FGF14: variants seen among roughly 807,000 people sequenced by gnomAD.
FGF14 encodes fibroblast growth factor homologous factor 4.
FGF14 carries 5 observed loss-of-function variants against 25.5 expected under a neutral mutation model. That is an observed-to-expected ratio of 0.20 (90% CI 0.10 to 0.41). The LOEUF (loss-of-function observed/expected upper bound fraction) is 0.41, where lower values mean the gene tolerates loss of function less well. FGF14 is among the 10% of genes least tolerant of loss of function. FGF14 has a pLI of 1.00. For synonymous variants in FGF14, 138 were observed against 118.3 expected, an observed-to-expected ratio of 1.17 and a Z score of -1.08; for missense variants, 222 against 320.1, an observed-to-expected ratio of 0.69 and a Z score of 2.34.
At chr13:102,209,033 A>G (rs9513993) in intron 1 of FGF14, among the ~76,000 whole-genome samples, 30,905 of 152,258 alleles carry the variant, frequency 0.2, 5,941 homozygotes, top group African/African-American at 0.5. Context: ...GAACAGACTC[A>G]GAGATGAAAA....
At chr13:102,283,971 C>A in intron 1 of FGF14, among the ~76,000 whole-genome samples, 1 of 152,256 alleles carries the variant, frequency 6.6e-6, no homozygotes, top group East Asian at 1.9e-4. Context: ...AGTCAATCAT[C>A]GTTGGCACTT....
intron 3 of FGF14, among the ~76,000 whole-genome samples, chr13:101,788,822 CTGATT>C (rs1340514545): frequency 7.1e-6 from 1 of 140,818 alleles, no homozygotes; most frequent in African/African-American, 2.6e-5. Context: ...AGGATTCTTC[CTGATT>C]TAAGAGAAAT....
At chr13:102,284,235 G>A (rs934847958) in intron 1 of FGF14, among the ~76,000 whole-genome samples, 2 of 152,056 alleles carry the variant, frequency 1.3e-5, no homozygotes, top group Non-Finnish European at 2.9e-5. Context: ...TCTCCAAATC[G>A]CAACTCTGAC....
intron 1 of FGF14, among the ~76,000 whole-genome samples, chr13:102,030,540 G>T (rs1321846341): frequency 6.6e-6 from 1 of 152,038 alleles, no homozygotes; most frequent in Non-Finnish European, 1.5e-5. Flanking sequence ...GGAAAGATTT[G>T]CATAAACATC....
chr13:102,228,492 C>A (rs1211962295), intron 1 of FGF14, among the ~76,000 whole-genome samples: 2 of 152,106 alleles, frequency 1.3e-5, no homozygotes, highest in African/African-American at 2.4e-5. Flanking sequence ...ACTTAATATC[C>A]TTTTCCTTGA....
intron 1 of FGF14, among the ~76,000 whole-genome samples, chr13:102,196,583 A>G (rs973015025): frequency 6.6e-6 from 1 of 152,196 alleles, no homozygotes; most frequent in African/African-American, 2.4e-5. Context: ...AATTGTATTT[A>G]TTTATAGCAT....
Position 102,016,032 on chromosome 13 carries a change from A to G in FGF14, c.209-140736T>C, listed in dbSNP as rs1355343815. On this transcript the variant is annotated intron_variant, in intron 1 of 4. Transcript: ENST00000376131. ...GAAGAGAATTTTATGAATTTGGTATAATATCCCTTCTCAATAAGAGACAAT... is the reference window on the plus strand; with the variant it reads ...GAAGAGAATTTTATGAATTTGGTATGATATCCCTTCTCAATAAGAGACAAT... 6.6e-5 allele frequency among the ~76,000 whole-genome samples: 10 copies of G among 152,122 alleles called. No individual in the cohort carries two copies. In the East Asian group the frequency reaches 1.7e-3, roughly 26 times the overall value.
intron 3 of FGF14, among the ~76,000 whole-genome samples, chr13:101,824,789 A>G (rs2042323088): frequency 6.6e-6 from 1 of 152,076 alleles, no homozygotes; most frequent in African/African-American, 2.4e-5. Context: ...AACTGAGGAG[A>G]GGGGCTGAAG....
intron 1 of FGF14, among the ~76,000 whole-genome samples, chr13:101,894,514 C>T (rs2030314956): frequency 6.6e-6 from 1 of 152,132 alleles, no homozygotes; most frequent in Non-Finnish European, 1.5e-5. Flanking sequence ...CAAAGTCCTG[C>T]CCCACACCCA....
At chr13:102,329,794 T>C (rs1160196201) in intron 1 of FGF14, among the ~76,000 whole-genome samples, 1 of 152,134 alleles carries the variant, frequency 6.6e-6, no homozygotes, top group East Asian at 1.9e-4. Context: ...CCCTACCATG[T>C]TGTACAATCC....
intron 1 of FGF14, among the ~76,000 whole-genome samples, chr13:102,109,822 G>A (rs1169504058): frequency 6.6e-6 from 1 of 152,140 alleles, no homozygotes; most frequent in Non-Finnish European, 1.5e-5. Context: ...CTTTCACCAT[G>A]TTGGCCAGGC....
At chr13:101,970,955 C>T (rs941022821) in intron 1 of FGF14, among the ~76,000 whole-genome samples, 1 of 152,124 alleles carries the variant, frequency 6.6e-6, no homozygotes, top group Non-Finnish European at 1.5e-5. Flanking sequence ...AACCATCTGG[C>T]CCTTCTCTGA....
chr13:101,770,938 T>C (rs1312315452), intron 3 of FGF14, among the ~76,000 whole-genome samples: 1 of 151,974 alleles, frequency 6.6e-6, no homozygotes, highest in Non-Finnish European at 1.5e-5. Context: ...GATTTAAAAC[T>C]ATATTAAACA....
chr13:102,049,455 T>C (rs532833650), intron 1 of FGF14, among the ~76,000 whole-genome samples: 2 of 152,290 alleles, frequency 1.3e-5, no homozygotes, highest in African/African-American at 2.4e-5. Context: ...TCTAATAATA[T>C]GTTCACTTCA....
rs1478771303 is a variant in FGF14 at position 102,220,654 on chromosome 13, A to AAT, written c.208+180816_208+180817insAT. Among the ~76,000 whole-genome samples, 6 of 152,328 alleles carry AAT rather than the reference A, an allele frequency of 3.9e-5. No individual in the cohort carries two copies. The East Asian group carries it at 1.2e-3, about 29-fold the overall frequency. ...TTAAAATAACAGAGTTTTTCAAGGCATTATATACATTTTTCAAAAGCACAT... is the reference window on the plus strand; with the variant it reads ...TTAAAATAACAGAGTTTTTCAAGGCAATTTATATACATTTTTCAAAAGCACAT... On this transcript the variant is annotated intron_variant, in intron 1 of 4. Transcript: ENST00000376131.
intron 1 of FGF14, among the ~76,000 whole-genome samples, chr13:102,107,188 A>T (rs986032525): frequency 1.3e-5 from 2 of 152,210 alleles, no homozygotes; most frequent in African/African-American, 4.8e-5. Context: ...AAAAAAACGA[A>T]TTAAACAGAG....
intron 1 of FGF14, among the ~76,000 whole-genome samples, chr13:102,257,942 A>G (rs2052530586): frequency 1.3e-5 from 2 of 152,144 alleles, no homozygotes; most frequent in Non-Finnish European, 2.9e-5. Flanking sequence ...TTCTCATGCT[A>G]CTGATGAAGA....
At chr13:102,350,955 A>G (rs538115961) in intron 1 of FGF14, among the ~76,000 whole-genome samples, 1 of 152,236 alleles carries the variant, frequency 6.6e-6, no homozygotes, top group South Asian at 2.1e-4. Flanking sequence ...TTCTCCTCTT[A>G]TGGGGGTGGA....
At chr13:101,992,240 A>AT (rs1294940099) in intron 1 of FGF14, among the ~76,000 whole-genome samples, 1 of 152,110 alleles carries the variant, frequency 6.6e-6, no homozygotes, top group Non-Finnish European at 1.5e-5. Context: ...ACCCAAAGCA[A>AT]TTGGGGGGTG....
Sources: allele counts gnomAD v4.1 joint callset (sites outside exome capture counted in the v4.1 genomes callset), GRCh38; gene constraint gnomAD v4.1.1; transcripts MANE v1.5; gene names NCBI Gene and HGNC (gene_info 2026-07-23, HGNC 2026-07-21).